The following AKAP10 variants were observed in gnomAD, a reference collection of about 807,000 sequenced individuals.
AKAP10 encodes A-kinase anchoring protein 10.
AKAP10 carries 24 observed loss-of-function variants against 80.8 expected under a neutral mutation model. That is an observed-to-expected ratio of 0.30 (90% confidence interval 0.22 to 0.42). The LOEUF (loss-of-function observed/expected upper bound fraction) is 0.42. Among genes scored for constraint, AKAP10 ranks in the 10% least tolerant of loss-of-function variants. The pLI is 1.00. For synonymous variants in AKAP10, 291 were observed against 277.7 expected, an observed-to-expected ratio of 1.05 and a Z score of -0.48; for missense variants, 661 against 794.9, an observed-to-expected ratio of 0.83 and a Z score of 2.03.
At position 19,946,273 on chromosome 17, in the gene AKAP10, ATATT is replaced by A. The variant is rs1242256698; in HGVS notation, c.976+1130_976+1133del. On this transcript the variant is annotated intron_variant, in intron 5 of 14. Transcript: ENST00000225737. ...TATATATATATATATATATATATAT[ATATT>A]TTTTTTTTTTTTTTTTTTTTTTGGC... Among the ~76,000 whole-genome samples the A allele has an allele frequency of 1.9e-3, 38 of 19,798 alleles. 2 individuals carry two copies. The highest frequency in any genetic ancestry group is 3.6e-3 in the South Asian group (2 of 552). 13.0% of individuals were successfully genotyped at this position (19,798 alleles called of 152,430 possible). A position where few individuals can be genotyped will look rare whatever the true frequency, so the allele number is the denominator to read the frequency against.
chr17:19,914,535 G>A (rs539011039), intron 12 of AKAP10, among the ~76,000 whole-genome samples: 3 of 149,528 alleles, frequency 2.0e-5, no homozygotes, highest in East Asian at 2.0e-4. Flanking sequence ...CCAGCTACTC[G>A]AGAGGCTGAG....
At chr17:19,921,561 C>T (rs1021373062) in intron 11 of AKAP10, among the ~76,000 whole-genome samples, 1 of 151,852 alleles carries the variant, frequency 6.6e-6, no homozygotes, top group East Asian at 1.9e-4. Context: ...GTAGGCCAGG[C>T]ATGGTGGCTC....
chr17:19,949,003 C>T (rs2043168095), intron 4 of AKAP10, among the ~76,000 whole-genome samples: 1 of 152,074 alleles, frequency 6.6e-6, no homozygotes, highest in South Asian at 2.1e-4. Context: ...AATCATGTAA[C>T]GTAAGTCAAA....
intron 1 of AKAP10, among the ~76,000 whole-genome samples, chr17:19,971,676 C>T (rs893974074): frequency 3.3e-5 from 5 of 152,190 alleles, no homozygotes; most frequent in African/African-American, 2.4e-5. Flanking sequence ...TACTCATTTT[C>T]CTGTTAATGA....
intron 4 of AKAP10, among the ~76,000 whole-genome samples, chr17:19,951,052 G>C (rs1426226538): frequency 6.6e-6 from 1 of 152,246 alleles, no homozygotes; most frequent in African/African-American, 2.4e-5. Context: ...CGTCTGAGAA[G>C]TGAGGAGCCC....
chr17:19,936,501 C>T (rs541586321), intron 8 of AKAP10, 71 bp from the exon 9 acceptor site: 1 of 1,433,550 alleles, frequency 7.0e-7, no homozygotes, highest in Admixed American at 2.0e-5. Context: ...GCACCTCCTC[C>T]AGAGAATCTT....
chr17:19,925,013 A>C lies in AKAP10; in HGVS notation c.1642-496T>G, dbSNP rs2042861592. 2.0e-5 allele frequency among the ~76,000 whole-genome samples: 3 copies of C among 152,066 alleles called. No homozygotes were observed. The South Asian group carries it at 6.2e-4, about 32-fold the overall frequency. ...ACCCAGTTTCTACTAAAAATAAAAA[A>C]ATTAGCCGGGCATGGTGGTGCATGC... On this transcript the variant is annotated intron_variant, in intron 10 of 14. Coordinates refer to ENST00000225737, the MANE Select transcript of AKAP10 (RefSeq NM_007202.4).
At chr17:19,923,762 G>A (rs533126014) in intron 11 of AKAP10, among the ~76,000 whole-genome samples, 15 of 152,116 alleles carry the variant, frequency 9.9e-5, no homozygotes, top group African/African-American at 2.9e-4. Flanking sequence ...TCCTGACCTC[G>A]TGATCCGCCC....
intron 10 of AKAP10, among the ~76,000 whole-genome samples, chr17:19,930,465 G>A (rs2042920161): frequency 6.6e-6 from 1 of 152,092 alleles, no homozygotes; most frequent in African/African-American, 2.4e-5. Flanking sequence ...GCACGGTAAT[G>A]CAAAACGAAA....
intron 7 of AKAP10, among the ~76,000 whole-genome samples, 171 bp downstream of exon 7, chr17:19,940,716 C>T (rs1174971330): frequency 1.3e-5 from 2 of 152,126 alleles, no homozygotes; most frequent in Admixed American, 6.6e-5. Flanking sequence ...TTCATGTTCT[C>T]TCTAATATAT....
chr17:19,963,089 G>A (rs2043373030), intron 2 of AKAP10, 67 bp from the exon 3 acceptor site: 1 of 1,324,924 alleles, frequency 7.5e-7, no homozygotes, highest in Non-Finnish European at 1.0e-6. Flanking sequence ...TCATAAAGGG[G>A]CTTTCAGAGA....
intron 4 of AKAP10, among the ~76,000 whole-genome samples, chr17:19,957,654 A>T (rs145263044): frequency 1.5e-3 from 224 of 152,354 alleles, no homozygotes; most frequent in African/African-American, 4.7e-3. Context: ...ATTTTTAAAA[A>T]TTTTTTAAAA....
In AKAP10 at chr17:19,970,832, A is replaced by AAT. The variant is rs1567779132; in HGVS notation, c.89-2372_89-2371insAT. Among the ~76,000 whole-genome samples the AAT allele has an allele frequency of 6.8e-3, 1,024 of 151,508 alleles. 11 individuals are homozygous for AAT. The highest frequency in any genetic ancestry group is 0.024 in the African/African-American group (973 of 41,188). ...AGCAAGACTCTGTCTTAAAAAAAAA[A>AAT]AAATAAATAAATAAATAAAGACATT... On this transcript the variant is annotated intron_variant, in intron 1 of 14. Coordinates refer to ENST00000225737, the MANE Select transcript of AKAP10 (RefSeq NM_007202.4).
In AKAP10 at chr17:19,977,643, G is replaced by A. The variant is rs1160761542; in HGVS notation, c.37C>T (p.Arg13Cys). ...GAGPSPRQSPRTLRPDPGPAM... is the reference protein window; with the variant it reads ...GAGPSPRQSPCTLRPDPGPAM... ...GGGCCCGGGTCGGGACGGAGGGTGCGGGGGGACTGGCGCGGGGAGGGCCCG... is the reference window on the plus strand; with the variant it reads ...GGGCCCGGGTCGGGACGGAGGGTGCAGGGGGACTGGCGCGGGGAGGGCCCG... The change falls in exon 1 of 15, where the codon CGC (arginine) becomes TGC (cysteine). Residue 13 changes from arginine to cysteine, a missense_variant. Arg to Cys is a radical substitution (Grantham distance 180). Coordinates refer to ENST00000225737, the MANE Select transcript of AKAP10 (RefSeq NM_007202.4). The A allele has an allele frequency of 1.6e-6, 2 of 1,235,316 alleles. No individual in the cohort carries two copies. The highest frequency in any genetic ancestry group is 2.0e-6 in the Non-Finnish European group (2 of 987,938). 76.5% of individuals were successfully genotyped at this position (1,235,316 alleles called of 1,614,324 possible). A position where few individuals can be genotyped will look rare whatever the true frequency, so the allele number is the denominator to read the frequency against.
intron 1 of AKAP10, among the ~76,000 whole-genome samples, chr17:19,972,575 C>T (rs1038411621): frequency 6.6e-6 from 1 of 152,100 alleles, no homozygotes; most frequent in African/African-American, 2.4e-5. Context: ...CCTGCCTCAG[C>T]CTCCCAAGTA....
intron 1 of AKAP10, among the ~76,000 whole-genome samples, chr17:19,970,295 C>G (rs1567778850): frequency 6.6e-6 from 1 of 152,182 alleles, no homozygotes; most frequent in Non-Finnish European, 1.5e-5. Context: ...CTATGACCAA[C>G]TGATTCTACT....
intron 1 of AKAP10, among the ~76,000 whole-genome samples, chr17:19,971,961 C>T (rs372738839): frequency 4.4e-4 from 67 of 152,272 alleles, no homozygotes; most frequent in African/African-American, 1.6e-3. Flanking sequence ...CAAAACTTAA[C>T]CGGGCGTTGT....
At chr17:19,910,155 T>C (rs203461) in intron 12 of AKAP10, among the ~76,000 whole-genome samples, 177 bp from the exon 13 acceptor site, 64,771 of 151,616 alleles carry the variant, frequency 0.43, 14,672 homozygotes, top group African/African-American at 0.58. Flanking sequence ...TGGTGAAACC[T>C]GTCTCTACTA....
intron 10 of AKAP10, among the ~76,000 whole-genome samples, chr17:19,931,330 T>C (rs887414142): frequency 6.6e-6 from 1 of 151,938 alleles, no homozygotes; most frequent in African/African-American, 2.4e-5. Flanking sequence ...CAATACAGTA[T>C]ATTTTAAGTT....
Sources: gnomAD v4.1 joint callset for allele counts (sites outside exome capture counted in the v4.1 genomes callset) on GRCh38, gnomAD v4.1.1 for gene constraint, MANE v1.5 for transcripts, NCBI Gene and HGNC (gene_info 2026-07-23, HGNC 2026-07-21) for gene names.